The following SPDYE2B variants were observed in gnomAD, a reference collection of about 807,000 sequenced individuals.
SPDYE2B encodes speedy/RINGO cell cycle regulator family member E2B.
At chr7:102,656,441 T>G (rs749829789) in intron 5 of SPDYE2B, 135 bp downstream of exon 5, 8,840 of 147,500 alleles carry the variant, frequency 0.06, no homozygotes, top group Non-Finnish European at 0.071. Context: ...TTTTTTTTTT[T>G]TGTGTGTGTG....
intron 3 of SPDYE2B, 143 bp downstream of exon 3, chr7:102,653,812 T>TG (rs1791786130): frequency 7.3e-7 from 1 of 1,365,290 alleles, no homozygotes; most frequent in South Asian, 1.5e-5. Flanking sequence ...TGATCACTCA[T>TG]GAGGGACACT....
chr7:102,659,031 AGTTT>A (rs1212790461), intron 6 of SPDYE2B, among the ~76,000 whole-genome samples: 836 of 140,692 alleles, frequency 5.9e-3, no homozygotes, highest in African/African-American at 0.019. Context: ...ACACCTGGAC[AGTTT>A]GTTTGTTTGT....
In SPDYE2B at chr7:102,662,061, T is replaced by C. The variant is rs1414023840; in HGVS notation, c.*961T>C. On this transcript the variant is annotated 3_prime_UTR_variant, in exon 9 of 9. Coordinates refer to ENST00000507450, the MANE Select transcript of SPDYE2B (RefSeq NM_001166339.2). ...TGGTTTATTTTGAAAAACATGGGTA[T>C]AGAATTATTTAAATATTATTTTATT... is the stretch of plus-strand genomic sequence containing the variant. Among the ~76,000 whole-genome samples, 1 of 62,752 alleles carries C rather than the reference T, an allele frequency of 1.6e-5. No individual in the cohort carries two copies. Among genetic ancestry groups the C allele is most frequent in the African/African-American group, 3.8e-5 (1 of 26,096 alleles). The allele number at this position is 62,752 out of a possible 152,430, so 41.2% of individuals were successfully genotyped here.
rs1584225958 is a variant in SPDYE2B, at chr7:102,651,080, CTCTTT to C, written c.-422+705_-422+709del. Among the ~76,000 whole-genome samples, 7 of 114,658 alleles carry C rather than the reference CTCTTT, an allele frequency of 6.1e-5. 1 individual carries two copies. In the South Asian group the frequency reaches 1.9e-3, roughly 31 times the overall value. The allele number at this position is 114,658 out of a possible 152,430, so 75.2% of individuals were successfully genotyped here. A position where few individuals can be genotyped will look rare whatever the true frequency, so the allele number is the denominator to read the frequency against. On this transcript the variant is annotated intron_variant, in intron 1 of 8. Transcript: ENST00000507450. ...TGGATGGTCTCTGAATGTCATGTAA[CTCTTT>C]TATTTTTTATCAAAAAAACTTTTTT... is the stretch of plus-strand genomic sequence containing the variant.
chr7:102,658,903 TCCC>T (rs1791916470), intron 6 of SPDYE2B, among the ~76,000 whole-genome samples: 1 of 144,750 alleles, frequency 6.9e-6, no homozygotes, highest in East Asian at 2.1e-4. Context: ...ACTTGCCCTG[TCCC>T]CCAAGCTGGA....
intron 3 of SPDYE2B, 23 bp from the exon 4 acceptor site, chr7:102,654,961 C>T: frequency 4.6e-5 from 1 of 21,576 alleles, no homozygotes; most frequent in Non-Finnish European, 1.3e-4. Context: ...AGCATTACAC[C>T]GTGGCCTGGT....
intron 3 of SPDYE2B, among the ~76,000 whole-genome samples, chr7:102,654,324 C>A (rs1441019902): frequency 1.3e-3 from 121 of 95,958 alleles, no homozygotes; most frequent in African/African-American, 2.6e-3. Flanking sequence ...GACGCTGTCT[C>A]AAAAAAAAAA....
At chr7:102,655,748 AAATT>A (rs1402249012) in intron 4 of SPDYE2B, among the ~76,000 whole-genome samples, 1 of 18,156 alleles carries the variant, frequency 5.5e-5, no homozygotes, top group African/African-American at 1.0e-4. Context: ...GTCTCAAAAT[AAATT>A]AATAAATAAA....
chr7:102,651,083 TTTTA>T (rs1487271527), intron 1 of SPDYE2B, among the ~76,000 whole-genome samples: 2 of 115,440 alleles, frequency 1.7e-5, no homozygotes, highest in African/African-American at 3.3e-5. Flanking sequence ...CATGTAACTC[TTTTA>T]TTTTTTATCA....
chr7:102,654,324 C>CAAAAAA (rs1284683166), intron 3 of SPDYE2B, among the ~76,000 whole-genome samples: 33 of 96,002 alleles, frequency 3.4e-4, no homozygotes, highest in African/African-American at 1.5e-3. Context: ...GACGCTGTCT[C>CAAAAAA]AAAAAAAAAA....
At chr7:102,654,813 A>C (rs1791838127) in intron 3 of SPDYE2B, 171 bp from the exon 4 acceptor site, 1 of 29,916 alleles carries the variant, frequency 3.3e-5, no homozygotes, top group Admixed American at 6.4e-4. Flanking sequence ...TGGGGAGGAG[A>C]AGGAGCGGCA....
chr7:102,656,778 A>C (rs867970846), intron 5 of SPDYE2B, among the ~76,000 whole-genome samples: 166 of 12,874 alleles, frequency 0.013, no homozygotes, highest in East Asian at 0.029. Context: ...GGCACCCACA[A>C]ATTTTTTTTT....
At chr7:102,654,720 A>G in intron 3 of SPDYE2B, among the ~76,000 whole-genome samples, 1 of 26,964 alleles carries the variant, frequency 3.7e-5, no homozygotes, top group Non-Finnish European at 1.1e-4. Context: ...CAACAACGAA[A>G]AAAAAAAAAA....
intron 3 of SPDYE2B, among the ~76,000 whole-genome samples, chr7:102,654,324 C>CA (rs1284683166): frequency 3.0e-3 from 287 of 95,980 alleles, no homozygotes; most frequent in Middle Eastern, 0.019. Context: ...GACGCTGTCT[C>CA]AAAAAAAAAA....
intron 1 of SPDYE2B, among the ~76,000 whole-genome samples, chr7:102,650,984 A>G: frequency 1.7e-5 from 1 of 58,666 alleles, no homozygotes; most frequent in Non-Finnish European, 3.3e-5. Flanking sequence ...TGATCCACCC[A>G]CTTTGGCCTC....
chr7:102,651,041 AC>A, intron 1 of SPDYE2B, among the ~76,000 whole-genome samples: 1 of 99,360 alleles, frequency 1.0e-5, no homozygotes. Flanking sequence ...CCAGCCGGGA[AC>A]CCACAGGTTT....
intron 3 of SPDYE2B, among the ~76,000 whole-genome samples, chr7:102,654,324 C>CAAAAAAAAAAA (rs1284683166): frequency 3.1e-4 from 30 of 96,016 alleles, no homozygotes; most frequent in South Asian, 8.4e-4. Context: ...GACGCTGTCT[C>CAAAAAAAAAAA]AAAAAAAAAA....
chr7:102,662,228 C>A lies in SPDYE2B; in HGVS notation c.*1128C>A. Among the ~76,000 whole-genome samples the A allele has an allele frequency of 1.9e-5, 1 of 51,738 alleles. No homozygotes were observed. Among genetic ancestry groups the A allele is most frequent in the Non-Finnish European group, 5.1e-5 (1 of 19,764 alleles). 33.9% of individuals were successfully genotyped at this position (51,738 alleles called of 152,430 possible). ...TGATGGATATTATAACTGTTATATACACATACATATAATTTTGTTTTCCTT... is the reference window on the plus strand; with the variant it reads ...TGATGGATATTATAACTGTTATATAAACATACATATAATTTTGTTTTCCTT... On this transcript the variant is annotated 3_prime_UTR_variant, in exon 9 of 9. Transcript: ENST00000507450.
chr7:102,662,195 A>T lies in SPDYE2B; in HGVS notation c.*1095A>T, dbSNP rs1334141309. On this transcript the variant is annotated 3_prime_UTR_variant, in exon 9 of 9. Transcript: ENST00000507450. Reference sequence around the variant, plus strand: ...TTTTTGAATAGATGCTGTTTCTATAAAGCTGTGTGATGGATATTATAACTG... The same window carrying T: ...TTTTTGAATAGATGCTGTTTCTATATAGCTGTGTGATGGATATTATAACTG... Among the ~76,000 whole-genome samples, 1 of 68,584 alleles carries T rather than the reference A, an allele frequency of 1.5e-5. No individual in the cohort carries two copies. The highest frequency in any genetic ancestry group is 3.7e-5 in the African/African-American group (1 of 26,894). 45.0% of individuals were successfully genotyped at this position (68,584 alleles called of 152,430 possible).
Sources: gnomAD v4.1 joint callset for allele counts (sites outside exome capture counted in the v4.1 genomes callset) on GRCh38, gnomAD v4.1.1 for gene constraint, MANE v1.5 for transcripts, NCBI Gene and HGNC (gene_info 2026-07-23, HGNC 2026-07-21) for gene names.